The following DHX36 variants were observed in gnomAD, a reference collection of about 807,000 sequenced individuals.
The protein encoded by DHX36 is DEAH-box helicase 36.
A neutral mutation model predicts 139.0 loss-of-function variants in DHX36; 50 were observed. That is an observed-to-expected ratio of 0.36 (90% confidence interval 0.29 to 0.46). The LOEUF (loss-of-function observed/expected upper bound fraction) is 0.46. Among genes scored for constraint, DHX36 ranks in the 20% least tolerant of loss-of-function variants. The pLI, the probability that DHX36 is intolerant of heterozygous loss-of-function variation, is 1.00. For missense variants in DHX36, 1,024 were observed against 1,211.3 expected, an observed-to-expected ratio of 0.85 and a Z score of 2.29; for synonymous variants, 425 against 401.9, an observed-to-expected ratio of 1.06 and a Z score of -0.69.
intron 23 of DHX36, 109 bp downstream of exon 23, chr3:154,277,489 T>G (rs1719186722): frequency 9.3e-7 from 1 of 1,080,854 alleles, no homozygotes; most frequent in African/African-American, 1.6e-5. Context: ...GTCACAGGAA[T>G]AAGACACAAC....
intron 5 of DHX36, among the ~76,000 whole-genome samples, chr3:154,307,967 A>T (rs771360421): frequency 1.3e-5 from 2 of 152,170 alleles, no homozygotes; most frequent in Non-Finnish European, 2.9e-5. Flanking sequence ...TCATGTCGAA[A>T]TAGACACAAA....
At chr3:154,313,516 C>CA (rs1255327475) in intron 3 of DHX36, among the ~76,000 whole-genome samples, 1 of 151,876 alleles carries the variant, frequency 6.6e-6, no homozygotes, top group Non-Finnish European at 1.5e-5. Context: ...CCTGTCTCTA[C>CA]AAAAAATACA....
At chr3:154,323,272 T>C (rs140556312) in intron 1 of DHX36, among the ~76,000 whole-genome samples, 1,726 of 151,932 alleles carry the variant, frequency 0.011, 21 homozygotes, top group African/African-American at 0.04. Flanking sequence ...GAGGCGGAGG[T>C]TGCAGTGAGC....
Position 154,276,841 on chromosome 3 carries a change from TCA to T in DHX36, c.2745_2746del (p.Asp916HisfsTer7). The T allele has an allele frequency of 6.2e-7, 1 of 1,613,808 alleles. No homozygotes were observed. Among genetic ancestry groups the T allele is most frequent in the South Asian group, 1.1e-5 (1 of 91,062 alleles). ...ATCGTTATCCTTCTGGATGGAAATG[TCA>T]CCTCCAAAAAACAAGAGACAGTATG... On this transcript the variant is annotated frameshift_variant, in exon 24 of 25. Transcript: ENST00000496811. LOFTEE classifies it high-confidence loss of function.
At chr3:154,302,523 AG>A (rs1023151972) in intron 9 of DHX36, among the ~76,000 whole-genome samples, 2 of 152,208 alleles carry the variant, frequency 1.3e-5, no homozygotes, top group Non-Finnish European at 1.5e-5. Flanking sequence ...TTGAGCAGAA[AG>A]CCAGTTCGAA....
At chr3:154,302,146 C>T (rs1033424973) in intron 9 of DHX36, among the ~76,000 whole-genome samples, 11 of 149,626 alleles carry the variant, frequency 7.4e-5, no homozygotes, top group African/African-American at 2.5e-4. Context: ...GAACATAGTA[C>T]CAAAAGAGGA....
At chr3:154,295,518 G>C (rs1464791864) in intron 12 of DHX36, among the ~76,000 whole-genome samples, 179 bp from the exon 13 acceptor site, 1 of 152,146 alleles carries the variant, frequency 6.6e-6, no homozygotes, top group African/African-American at 2.4e-5. Context: ...ATGTGTTTAA[G>C]TGAACCAAAA....
In DHX36 at chr3:154,276,066, C is replaced by T. The variant is rs1405698377; in HGVS notation, c.*105G>A. The T allele has an allele frequency of 2.8e-6, 3 of 1,068,278 alleles. No individual in the cohort carries two copies. The highest frequency in any genetic ancestry group is 4.1e-6 in the Non-Finnish European group (3 of 735,274). 66.2% of individuals were successfully genotyped at this position (1,068,278 alleles called of 1,614,324 possible). A position where few individuals can be genotyped will look rare whatever the true frequency, so the allele number is the denominator to read the frequency against. ...CTACCTACTGAAGGCTTCTACCTTACACATGAAAATTGTTCATGTCCCAGG... is the reference window on the plus strand; with the variant it reads ...CTACCTACTGAAGGCTTCTACCTTATACATGAAAATTGTTCATGTCCCAGG... On this transcript the variant is annotated 3_prime_UTR_variant, in exon 25 of 25. Transcript: ENST00000496811.
intron 22 of DHX36, among the ~76,000 whole-genome samples, chr3:154,278,126 T>A (rs1029814656): frequency 6.6e-6 from 1 of 152,128 alleles, no homozygotes; most frequent in Non-Finnish European, 1.5e-5. Flanking sequence ...CATTTTACTA[T>A]GACAATCATA....
chr3:154,319,584 A>G (rs774420129), intron 1 of DHX36, among the ~76,000 whole-genome samples: 1 of 152,180 alleles, frequency 6.6e-6, no homozygotes, highest in Non-Finnish European at 1.5e-5. Context: ...TGAGCTCTGC[A>G]GTCCAGTTCC....
intron 3 of DHX36, chr3:154,312,017 A>G (rs1175095011): frequency 5.8e-6 from 1 of 173,090 alleles, no homozygotes; most frequent in African/African-American, 2.4e-5. Context: ...TTTGATTTCT[A>G]TATTATGTTT....
rs1265052384 is a variant in DHX36, at chr3:154,305,145, G to C, written c.917C>G (p.Ser306Cys). The C allele has an allele frequency of 1.2e-6, 2 of 1,611,280 alleles. No individual in the cohort carries two copies. The highest frequency in any genetic ancestry group is 3.4e-5 in the Admixed American group (2 of 59,616). ...LQSRLPRKQGSILYCTTGIIL... is the reference protein window; with the variant it reads ...LQSRLPRKQGCILYCTTGIIL... Reference sequence around the variant, plus strand: ...GATTCCTGTTGTACAGTATAAGATAGAACCCTGTTTCCTTGGCAACCGACT... The same window carrying C: ...GATTCCTGTTGTACAGTATAAGATACAACCCTGTTTCCTTGGCAACCGACT... Residue 306 changes from serine (S) to cysteine (C), a missense_variant, in exon 7 of 25, where the codon TCT (serine) becomes TGT (cysteine). By Grantham distance (112) the Ser-to-Cys change is moderately radical. This residue lies in a region of DHX36 where 146 missense variants were observed against 215.0 expected (regional missense o/e 0.68). Transcript: ENST00000496811.
chr3:154,324,056 T>C lies in DHX36; in HGVS notation c.243+118A>G, dbSNP rs1018492832. 1.3e-5 allele frequency: 16 copies of C among 1,205,266 alleles called. No individual in the cohort carries two copies. In the African/African-American group the frequency reaches 1.5e-4, roughly 11 times the overall value. 74.7% of individuals were successfully genotyped at this position (1,205,266 alleles called of 1,614,324 possible). ...GCCAGCATAATATATTTGCGCCTCA[T>C]TTACATTTCACAAAACACGTGCATC... On this transcript the variant is annotated intron_variant, in intron 1 of 24. Transcript: ENST00000496811.
chr3:154,299,245 C>A (rs904005805), intron 12 of DHX36, among the ~76,000 whole-genome samples: 1 of 152,138 alleles, frequency 6.6e-6, no homozygotes, highest in Non-Finnish European at 1.5e-5. Flanking sequence ...TGCACTCCAA[C>A]CTGGCAACAG....
At chr3:154,293,356 G>C (rs1711899477) in intron 14 of DHX36, among the ~76,000 whole-genome samples, 1 of 152,164 alleles carries the variant, frequency 6.6e-6, no homozygotes, top group Admixed American at 6.6e-5. Context: ...GAGGTAATAG[G>C]ATCATTTTGA....
chr3:154,316,163 T>C lies in DHX36; in HGVS notation c.244A>G (p.Arg82Gly). The C allele has an allele frequency of 6.2e-7, 1 of 1,611,898 alleles. No individual in the cohort carries two copies. Among genetic ancestry groups the C allele is most frequent in the East Asian group, 2.2e-5 (1 of 44,814 alleles). ...CGTTCATCCATGTGTACTACAGCTC[T>C]CTAGTTTGTGCAAAGAAAAAAGCAT... ...QKNKEAERQE[R>G]AVVHMDERRE... Residue 82 changes from arginine (R) to glycine (G), a missense_variant and splice_region_variant, in exon 2 of 25, where the codon AGA becomes GGA. Arg to Gly is a moderately radical substitution (Grantham distance 125, BLOSUM62 -2). This residue lies in a region of DHX36 where 293 missense variants were observed against 274.4 expected (regional missense o/e 1.07). Coordinates refer to ENST00000496811, the MANE Select transcript of DHX36 (RefSeq NM_020865.3).
At chr3:154,286,316 A>T (rs1224533252) in intron 17 of DHX36, among the ~76,000 whole-genome samples, 2 of 151,626 alleles carry the variant, frequency 1.3e-5, no homozygotes, top group East Asian at 3.9e-4. Flanking sequence ...AGAAACTTAA[A>T]AAAGAATAAA....
In DHX36 at chr3:154,272,784, A is replaced by G. The variant is rs1488237097; in HGVS notation, c.*3387T>C. 1 of 152,064 alleles carries G rather than the reference A, an allele frequency of 6.6e-6. No individual in the cohort carries two copies. Among genetic ancestry groups the G allele is most frequent in the African/African-American group, 2.4e-5 (1 of 41,440 alleles). The allele number at this position is 152,064 out of a possible 1,614,324, so 9.4% of individuals were successfully genotyped here. A position where few individuals can be genotyped will look rare whatever the true frequency, so the allele number is the denominator to read the frequency against. On this transcript the variant is annotated 3_prime_UTR_variant, in exon 25 of 25. Transcript: ENST00000496811. ...ATCACAATGACTTATAAATAAATAC[A>G]AACTCAGAGCTAAGAACAGAAGGAA...
intron 3 of DHX36, among the ~76,000 whole-genome samples, chr3:154,313,636 C>T (rs1326177581): frequency 6.6e-6 from 1 of 152,140 alleles, no homozygotes; most frequent in Non-Finnish European, 1.5e-5. Flanking sequence ...GCCATGATGG[C>T]ACCACTGTAC....
Sources: gnomAD v4.1 joint callset for allele counts (sites outside exome capture counted in the v4.1 genomes callset) on GRCh38, gnomAD v4.1.1 for gene constraint, gnomAD v4.1.1 regional missense constraint, MANE v1.5 for transcripts, NCBI Gene and HGNC (gene_info 2026-07-23, HGNC 2026-07-21) for gene names.